Variants in KCND3 observed in about 807,000 individuals in gnomAD.
KCND3 encodes A-type voltage-gated potassium channel KCND3.
A neutral mutation model predicts 51.1 loss-of-function variants in KCND3; 9 were observed. The ratio of observed to expected loss-of-function variants is 0.18; its 90% CI spans 0.11 to 0.31. The LOEUF (loss-of-function observed/expected upper bound fraction) is 0.31, where lower values mean the gene tolerates loss of function less well. Ranked by LOEUF, KCND3 falls within the 10% of genes least tolerant of loss-of-function variation. KCND3 has a pLI of 1.00. For synonymous variants in KCND3, 349 were observed against 368.0 expected, an observed-to-expected ratio of 0.95 and a Z score of 0.59; for missense variants, 526 against 903.8, an observed-to-expected ratio of 0.58 and a Z score of 5.36.
chr1:111,848,250 T>C (rs1448233792), intron 2 of KCND3, among the ~76,000 whole-genome samples: 1 of 152,190 alleles, frequency 6.6e-6, no homozygotes, highest in African/African-American at 2.4e-5. Flanking sequence ...TGTCTGAGAC[T>C]CAGCACCTGA....
chr1:111,784,808 G>A (rs1356715001), intron 3 of KCND3, among the ~76,000 whole-genome samples: 1 of 152,136 alleles, frequency 6.6e-6, no homozygotes, highest in Non-Finnish European at 1.5e-5. Flanking sequence ...GATTTCAAGG[G>A]GAGAGAGAAG....
Position 111,850,077 on chromosome 1 carries a change from G to A in KCND3, c.1107-62971C>T, listed in dbSNP as rs144926615. Among the ~76,000 whole-genome samples, 22 of 152,162 alleles carry A rather than the reference G, an allele frequency of 1.4e-4. No homozygotes were observed. The East Asian group carries it at 1.5e-3, about 11-fold the overall frequency. On this transcript the variant is annotated intron_variant, in intron 2 of 7. Transcript: ENST00000302127. ...CATAACTCATCAGACATCTCACCGC[G>A]CTCCTTCCTGCTGCATCTTACCACC...
At chr1:111,835,406 T>C (rs1667025752) in intron 2 of KCND3, among the ~76,000 whole-genome samples, 1 of 152,118 alleles carries the variant, frequency 6.6e-6, no homozygotes, top group Admixed American at 6.5e-5. Flanking sequence ...TTGCGTAAAA[T>C]AAGGCTGAGA....
intron 2 of KCND3, among the ~76,000 whole-genome samples, chr1:111,808,410 T>C (rs1665680090): frequency 6.6e-6 from 1 of 152,198 alleles, no homozygotes; most frequent in African/African-American, 2.4e-5. Context: ...ACTAATGCCA[T>C]GGGTCAAAGG....
intron 2 of KCND3, among the ~76,000 whole-genome samples, chr1:111,980,493 G>GA (rs111803216): frequency 0.15 from 21,812 of 146,874 alleles, 1,639 homozygotes; most frequent in East Asian, 0.18. Context: ...TTTTGGCCAG[G>GA]AAAAAAAAAA....
chr1:111,953,069 A>G (rs1673137574), intron 2 of KCND3, among the ~76,000 whole-genome samples: 1 of 152,120 alleles, frequency 6.6e-6, no homozygotes, highest in Non-Finnish European at 1.5e-5. Flanking sequence ...AGGGAACCAG[A>G]GCAGAGAGAG....
At chr1:111,948,284 C>A (rs1672885127) in intron 2 of KCND3, among the ~76,000 whole-genome samples, 1 of 152,190 alleles carries the variant, frequency 6.6e-6, no homozygotes, top group Non-Finnish European at 1.5e-5. Context: ...CTGTTCCCAT[C>A]TGTAAATGAC....
intron 2 of KCND3, among the ~76,000 whole-genome samples, chr1:111,870,959 CATACTT>C (rs1557990007): frequency 6.6e-6 from 1 of 152,210 alleles, no homozygotes; most frequent in Non-Finnish European, 1.5e-5. Context: ...CACAAAGAGA[CATACTT>C]ATCTGCATGT....
chr1:111,915,770 A>C (rs1289235706), intron 2 of KCND3, among the ~76,000 whole-genome samples: 2 of 151,396 alleles, frequency 1.3e-5, no homozygotes, highest in African/African-American at 2.4e-5. Context: ...AAAAAACAAA[A>C]AAAAAAACTG....
intron 5 of KCND3, among the ~76,000 whole-genome samples, chr1:111,779,089 G>A (rs1664258685): frequency 6.6e-6 from 1 of 152,142 alleles, no homozygotes; most frequent in South Asian, 2.1e-4. Flanking sequence ...TGTAACTAGG[G>A]TTTGCAGAGC....
At chr1:111,905,983 T>C (rs1670633270) in intron 2 of KCND3, among the ~76,000 whole-genome samples, 1 of 152,212 alleles carries the variant, frequency 6.6e-6, no homozygotes, top group African/African-American at 2.4e-5. Flanking sequence ...CTGTCAGCAG[T>C]CTCGTAACTA....
chr1:111,896,294 C>A (rs2101776861), intron 2 of KCND3, among the ~76,000 whole-genome samples: 1 of 152,354 alleles, frequency 6.6e-6, no homozygotes, highest in South Asian at 2.1e-4. Context: ...GTGGTGAGAA[C>A]ACAGGAGGGG....
intron 2 of KCND3, among the ~76,000 whole-genome samples, chr1:111,948,090 A>G (rs1672870069): frequency 6.6e-6 from 1 of 152,214 alleles, no homozygotes; most frequent in African/African-American, 2.4e-5. Context: ...GGGTACAAGG[A>G]TGGCCAAGGA....
intron 2 of KCND3, among the ~76,000 whole-genome samples, chr1:111,854,874 G>A (rs376919015): frequency 8.1e-4 from 123 of 152,278 alleles, no homozygotes; most frequent in African/African-American, 2.6e-3. Context: ...CTTTGAAAAG[G>A]GGTGAAACAA....
At chr1:111,988,859 A>C (rs763060706) in intron 1 of KCND3, 2 of 152,294 alleles carry the variant, frequency 1.3e-5, no homozygotes, top group Non-Finnish European at 2.9e-5. Flanking sequence ...TGTCAACACT[A>C]AGCAAGCGCA....
intron 2 of KCND3, among the ~76,000 whole-genome samples, chr1:111,896,043 C>A (rs1467805663): frequency 6.6e-6 from 1 of 152,210 alleles, no homozygotes; most frequent in African/African-American, 2.4e-5. Context: ...GATGCGAGAG[C>A]TGACTGCGGG....
At chr1:111,864,061 G>A (rs1018696199) in intron 2 of KCND3, among the ~76,000 whole-genome samples, 5 of 152,070 alleles carry the variant, frequency 3.3e-5, no homozygotes, top group Non-Finnish European at 7.4e-5. Flanking sequence ...GGGAGCAGAG[G>A]AGGAGGAGCA....
At chr1:111,900,348 T>C (rs565845148) in intron 2 of KCND3, among the ~76,000 whole-genome samples, 16 of 152,342 alleles carry the variant, frequency 1.1e-4, no homozygotes, top group African/African-American at 3.8e-4. Flanking sequence ...TTTCAGGTAC[T>C]AGTGACAAGT....
intron 2 of KCND3, among the ~76,000 whole-genome samples, chr1:111,969,777 TAA>T: frequency 6.6e-6 from 1 of 152,154 alleles, no homozygotes; most frequent in Middle Eastern, 3.2e-3. Context: ...CTAACAACCC[TAA>T]AGAGACTCAA....
Sources: gnomAD v4.1 joint callset for allele counts (sites outside exome capture counted in the v4.1 genomes callset) on GRCh38, gnomAD v4.1.1 for gene constraint, MANE v1.5 for transcripts, NCBI Gene and HGNC (gene_info 2026-07-23, HGNC 2026-07-21) for gene names.